Variants in SLC43A2 observed in about 807,000 individuals in gnomAD.
SLC43A2 encodes the protein solute carrier family 43 member 2, also known as large neutral amino acids transporter small subunit 4.
A neutral mutation model predicts 63.2 loss-of-function variants in SLC43A2; 38 were observed. That is an observed-to-expected ratio of 0.60 (90% confidence interval 0.46 to 0.79). SLC43A2 has a LOEUF of 0.79. Among genes scored for constraint, SLC43A2 ranks in the 30% least tolerant of loss-of-function variants. The pLI is 0.00. For missense variants in SLC43A2, 644 were observed against 756.2 expected, an observed-to-expected ratio of 0.85 and a Z score of 1.74; for synonymous variants, 322 against 331.0, an observed-to-expected ratio of 0.97 and a Z score of 0.30.
Position 1,583,409 on chromosome 17 carries a change from C to T in SLC43A2, c.1218-73G>A. The T allele has an allele frequency of 1.3e-6, 2 of 1,590,718 alleles. No individual in the cohort carries two copies. The highest frequency in any genetic ancestry group is 8.6e-7 in the Non-Finnish European group (1 of 1,165,758). ...GCCGGGTGCTCCTGAGAAGTCAGGC[C>T]TCAAGCGTCGCAGCAGGTAAACTGA... On this transcript the variant is annotated intron_variant, in intron 10 of 13. Coordinates refer to ENST00000301335, the MANE Select transcript of SLC43A2 (RefSeq NM_152346.3). This position sits in a 1 kb window ranked among gnomAD's most constrained non-coding sequence, Gnocchi z 5.5.
intron 2 of SLC43A2, among the ~76,000 whole-genome samples, chr17:1,622,428 G>A (rs900329537): frequency 7.2e-5 from 11 of 152,114 alleles, no homozygotes; most frequent in Admixed American, 1.3e-4. Flanking sequence ...AGCCAGGCGT[G>A]GTGGCGGGCG....
Position 1,575,760 on chromosome 17 carries a change from G to A in SLC43A2, c.1554C>T (p.Asn518=), listed in dbSNP as rs767700290. 8.7e-6 allele frequency: 14 copies of A among 1,610,472 alleles called. No homozygotes were observed. Among genetic ancestry groups the A allele is most frequent in the East Asian group, 2.2e-5 (1 of 44,812 alleles). The part of the protein sequence containing the change: ...GPLQGDPLWV[N]VGLLLLSLLG... ...GCAGGCTGAGAAGGAGCAGCCCCAC[G>A]TTCACCTGGGGAGGCAGGGAGGCCG... Residue 518 remains asparagine, a synonymous_variant, in exon 14 of 14, where the codon AAC becomes AAT. Transcript: ENST00000301335.
chr17:1,605,146 CCTCCGT>C lies in SLC43A2; in HGVS notation c.501+8043_501+8048del. ...TCCCACAGCCCCCTCGCCGCCTCTG[CCTCCGT>C]GCGGGTCAACCTGTCCTGCCAGCCC... On this transcript the variant is annotated intron_variant, in intron 5 of 13. Coordinates refer to ENST00000301335, the MANE Select transcript of SLC43A2 (RefSeq NM_152346.3). This position sits in a 1 kb window ranked among gnomAD's most constrained non-coding sequence, Gnocchi z 4.9. 1 of 1,266,844 alleles carries C rather than the reference CCTCCGT, an allele frequency of 7.9e-7. No homozygotes were observed. Among genetic ancestry groups the C allele is most frequent in the Non-Finnish European group, 1.0e-6 (1 of 996,396 alleles). The allele number at this position is 1,266,844 out of a possible 1,614,324, so 78.5% of individuals were successfully genotyped here. A position where few individuals can be genotyped will look rare whatever the true frequency, so the allele number is the denominator to read the frequency against.
At chr17:1,601,513 G>T (rs1906015147) in intron 5 of SLC43A2, among the ~76,000 whole-genome samples, 1 of 152,088 alleles carries the variant, frequency 6.6e-6, no homozygotes, top group African/African-American at 2.4e-5. Context: ...CTGATGCAAA[G>T]GCGCTACTGA....
rs1000694843 is a variant in SLC43A2 at position 1,585,677 on chromosome 17, C to T, written c.1217+236G>A. On this transcript the variant is annotated intron_variant, in intron 10 of 13. Transcript: ENST00000301335. ...TGCTGGGATTACAGGCATGAGTCAC[C>T]GCACCTGGCCTCAAACTTTAGCATT... 41 of 1,447,940 alleles carry T rather than the reference C, an allele frequency of 2.8e-5. No individual in the cohort carries two copies. In the Middle Eastern group the frequency reaches 9.0e-4, roughly 32 times the overall value. 89.7% of individuals were successfully genotyped at this position (1,447,940 alleles called of 1,614,324 possible).
rs1905765882 is a variant in SLC43A2 at position 1,599,993 on chromosome 17, G to A, written c.502-6714C>T. On this transcript the variant is annotated intron_variant, in intron 5 of 13. Coordinates refer to ENST00000301335, the MANE Select transcript of SLC43A2 (RefSeq NM_152346.3). ...TGGGAGGCAGAGCTTGCAGTGAGCT[G>A]AGATTGCGCCACTGCACTCCAGCCT... Among the ~76,000 whole-genome samples, 4 of 146,304 alleles carry A rather than the reference G, an allele frequency of 2.7e-5. No individual in the cohort carries two copies. In the South Asian group the frequency reaches 6.5e-4, roughly 24 times the overall value.
At position 1,576,534 on chromosome 17, in the gene SLC43A2, G is replaced by T. The variant is rs931823680; in HGVS notation, c.1548+63C>A. ...CCCTGAAGCCCCCGAGGGGGACCTT[G>T]CAGCTCGCAGTTAGCAGAAGGGGGC... On this transcript the variant is annotated intron_variant, in intron 13 of 13. Transcript: ENST00000301335. 1.3e-5 allele frequency: 20 copies of T among 1,537,410 alleles called. No homozygotes were observed. The African/African-American group carries it at 2.6e-4, about 20-fold the overall frequency.
chr17:1,610,270 C>G (rs916481425), intron 5 of SLC43A2, among the ~76,000 whole-genome samples: 1 of 151,068 alleles, frequency 6.6e-6, no homozygotes, highest in Non-Finnish European at 1.5e-5. Context: ...TAAATTTTTA[C>G]TTTTATTTTT....
rs528457082 is a variant in SLC43A2 at position 1,613,350 on chromosome 17, C to T, written c.425-79G>A. The T allele has an allele frequency of 1.2e-4, 153 of 1,302,252 alleles. 1 individual carries two copies. The African/African-American group carries it at 1.4e-3, about 12-fold the overall frequency. The allele number at this position is 1,302,252 out of a possible 1,614,324, so 80.7% of individuals were successfully genotyped here. A position where few individuals can be genotyped will look rare whatever the true frequency, so the allele number is the denominator to read the frequency against. On this transcript the variant is annotated intron_variant, in intron 4 of 13. Transcript: ENST00000301335. ...GCCGGGACCAGCCCAGAGTCCTGCG[C>T]GGTGCAGGCTCCCAGTAAATCCAGT... is the stretch of plus-strand genomic sequence containing the variant.
chr17:1,586,171 C>T (rs911886350), intron 9 of SLC43A2, 120 bp from the exon 10 acceptor site: 1 of 1,419,144 alleles, frequency 7.0e-7, no homozygotes, highest in Non-Finnish European at 9.3e-7. Context: ...CCCAGAACCC[C>T]CTGTCACTAT....
At chr17:1,627,033 C>CGG (rs1908721503) in intron 2 of SLC43A2, among the ~76,000 whole-genome samples, 1 of 152,142 alleles carries the variant, frequency 6.6e-6, no homozygotes, top group Admixed American at 6.5e-5. Context: ...TTCAGCAATT[C>CGG]CAGTGACAAG....
chr17:1,626,672 C>T (rs1908695555), intron 2 of SLC43A2, among the ~76,000 whole-genome samples: 2 of 152,186 alleles, frequency 1.3e-5, no homozygotes, highest in African/African-American at 2.4e-5. Context: ...CCAAAGCTTT[C>T]TCTTCCTGCA....
intron 11 of SLC43A2, among the ~76,000 whole-genome samples, chr17:1,581,927 C>T (rs546712868): frequency 6.6e-6 from 1 of 150,414 alleles, no homozygotes; most frequent in Non-Finnish European, 1.5e-5. Flanking sequence ...TGCCTCAGCC[C>T]TCCTGAGTAG....
chr17:1,626,285 A>G (rs531913434), intron 2 of SLC43A2, among the ~76,000 whole-genome samples: 1 of 151,664 alleles, frequency 6.6e-6, no homozygotes, highest in Admixed American at 6.6e-5. Context: ...GGAAGAAGTA[A>G]ACACTCCAAC....
chr17:1,583,420 C>T lies in SLC43A2; in HGVS notation c.1218-84G>A, dbSNP rs1044645994. On this transcript the variant is annotated intron_variant, in intron 10 of 13. Coordinates refer to ENST00000301335, the MANE Select transcript of SLC43A2 (RefSeq NM_152346.3). The surrounding 1 kb of genome is among the most constrained non-coding windows in gnomAD (Gnocchi z 5.5). ...CTGAGAAGTCAGGCCTCAAGCGTCGCAGCAGGTAAACTGACGCAAGACTCA... is the reference window on the plus strand; with the variant it reads ...CTGAGAAGTCAGGCCTCAAGCGTCGTAGCAGGTAAACTGACGCAAGACTCA... 4.2e-5 allele frequency: 67 copies of T among 1,581,266 alleles called. No individual in the cohort carries two copies. Among genetic ancestry groups the T allele is most frequent in the Non-Finnish European group, 5.2e-5 (61 of 1,161,922 alleles).
rs1040129581 is a variant in SLC43A2, at chr17:1,616,181, G to T, written c.368+381C>A. Among the ~76,000 whole-genome samples the T allele has an allele frequency of 3.9e-5, 6 of 151,942 alleles. No homozygotes were observed. The South Asian group carries it at 8.3e-4, about 21-fold the overall frequency. On this transcript the variant is annotated intron_variant, in intron 3 of 13. Transcript: ENST00000301335. ...CGGGCTGTGGAAACCAGTGTTGTTG[G>T]TTTTTTTTCTCATCAGATGGATACT...
At chr17:1,620,643 G>C (rs970235041) in intron 2 of SLC43A2, among the ~76,000 whole-genome samples, 3 of 152,096 alleles carry the variant, frequency 2.0e-5, no homozygotes, top group Non-Finnish European at 2.9e-5. Context: ...CCTGGGGCCG[G>C]GGAGGTGAGC....
intron 9 of SLC43A2, among the ~76,000 whole-genome samples, chr17:1,588,697 C>CAAAA (rs35780448): frequency 1.1e-5 from 1 of 89,178 alleles, no homozygotes; most frequent in Non-Finnish European, 2.2e-5. Flanking sequence ...GACCCCAACT[C>CAAAA]AAAAAAAAAA....
chr17:1,595,555 C>T (rs568440057), intron 5 of SLC43A2, among the ~76,000 whole-genome samples: 90 of 152,152 alleles, frequency 5.9e-4, no homozygotes, highest in African/African-American at 2.0e-3. Flanking sequence ...AAGCGAGTCT[C>T]CTGCCTCAGC....
Sources: allele counts gnomAD v4.1 joint callset (sites outside exome capture counted in the v4.1 genomes callset), GRCh38; gene constraint gnomAD v4.1.1; non-coding constraint Gnocchi (gnomAD v3.1); transcripts MANE v1.5; gene names NCBI Gene and HGNC (gene_info 2026-07-23, HGNC 2026-07-21).